The following GRHL2 variants were observed in gnomAD, a reference collection of about 807,000 sequenced individuals.
GRHL2 encodes grainyhead-like protein 2 homolog.
In GRHL2, 21 loss-of-function variants were observed where a neutral mutation model predicts 83.8. The ratio of observed to expected loss-of-function variants is 0.25; its 90% CI spans 0.18 to 0.36. The LOEUF is 0.36. GRHL2 is among the 10% of genes least tolerant of loss of function. The probability of loss-of-function intolerance (pLI) is 1.00; values close to 1 mark genes in which losing one functional copy is unlikely to be tolerated. For missense variants in GRHL2, 623 were observed against 781.8 expected, an observed-to-expected ratio of 0.80 and a Z score of 2.42; for synonymous variants, 280 against 278.9, an observed-to-expected ratio of 1.00 and a Z score of -0.04.
At chr8:101,523,229 C>T (rs1810727989) in intron 1 of GRHL2, among the ~76,000 whole-genome samples, 1 of 151,430 alleles carries the variant, frequency 6.6e-6, no homozygotes, top group South Asian at 2.1e-4. Context: ...ATTATTCTTA[C>T]AAGGAATGAA....
chr8:101,583,351 G>A (rs1320454335), intron 7 of GRHL2, among the ~76,000 whole-genome samples: 2 of 152,226 alleles, frequency 1.3e-5, no homozygotes, highest in Admixed American at 1.3e-4. Flanking sequence ...ACCCAGGAGT[G>A]AGAGACAAAC....
At chr8:101,650,289 A>G (rs1432298741) in intron 14 of GRHL2, among the ~76,000 whole-genome samples, 2 of 152,164 alleles carry the variant, frequency 1.3e-5, no homozygotes, top group African/African-American at 4.8e-5. Flanking sequence ...GAATCATACC[A>G]TTTCTTTCAT....
intron 14 of GRHL2, among the ~76,000 whole-genome samples, chr8:101,661,917 C>T (rs1180367300): frequency 6.6e-6 from 1 of 152,132 alleles, no homozygotes; most frequent in African/African-American, 2.4e-5. Context: ...CAGGAAGTTC[C>T]AGGATGTTTT....
At chr8:101,609,170 G>C (rs1458189474) in intron 8 of GRHL2, among the ~76,000 whole-genome samples, 1 of 150,426 alleles carries the variant, frequency 6.6e-6, no homozygotes, top group African/African-American at 2.5e-5. Context: ...GCTGGAGAAG[G>C]AAGGGGTGGT....
At chr8:101,560,782 G>C (rs916976712) in intron 4 of GRHL2, among the ~76,000 whole-genome samples, 5 of 151,870 alleles carry the variant, frequency 3.3e-5, no homozygotes, top group Non-Finnish European at 7.4e-5. Flanking sequence ...GTACTTATTT[G>C]GCCCTTCCTA....
At position 101,543,568 on chromosome 8, in the gene GRHL2, C is replaced by G. The variant is rs1393720052; in HGVS notation, c.216+132C>G. The G allele has an allele frequency of 3.6e-6, 3 of 833,122 alleles. No individual in the cohort carries two copies. The Admixed American group carries it at 6.0e-5, about 17-fold the overall frequency. The allele number at this position is 833,122 out of a possible 1,614,324, so 51.6% of individuals were successfully genotyped here. On this transcript the variant is annotated intron_variant, in intron 2 of 15. Coordinates refer to ENST00000646743, the MANE Select transcript of GRHL2 (RefSeq NM_024915.4). ...TTCCAAAGTCAATATAGAATTCAGCCTCTTCCTGTTCTCCTTGCTCCCTGC... is the reference window on the plus strand; with the variant it reads ...TTCCAAAGTCAATATAGAATTCAGCGTCTTCCTGTTCTCCTTGCTCCCTGC...
intron 1 of GRHL2, among the ~76,000 whole-genome samples, chr8:101,507,942 C>T (rs1410399252): frequency 4.6e-5 from 7 of 151,724 alleles, no homozygotes; most frequent in Non-Finnish European, 1.0e-4. Flanking sequence ...GCCACCATGC[C>T]CAGCTAATTT....
At chr8:101,621,959 A>G (rs1056299610) in intron 9 of GRHL2, among the ~76,000 whole-genome samples, 2 of 152,228 alleles carry the variant, frequency 1.3e-5, no homozygotes, top group Non-Finnish European at 2.9e-5. Context: ...TACTAAAAAT[A>G]CATTGCTTTA....
intron 8 of GRHL2, among the ~76,000 whole-genome samples, chr8:101,612,360 A>G (rs558830977): frequency 6.6e-5 from 10 of 150,952 alleles, no homozygotes; most frequent in Non-Finnish European, 1.5e-4. Flanking sequence ...TACCTTCTAC[A>G]ACAGTGAATA....
intron 8 of GRHL2, among the ~76,000 whole-genome samples, chr8:101,600,002 G>GT (rs1812477368): frequency 6.6e-6 from 1 of 152,208 alleles, no homozygotes; most frequent in East Asian, 1.9e-4. Context: ...TGTTAGAAGA[G>GT]TTTGTCTTCA....
intron 1 of GRHL2, among the ~76,000 whole-genome samples, chr8:101,506,327 T>A (rs558473584): frequency 1.4e-4 from 21 of 152,318 alleles, no homozygotes; most frequent in African/African-American, 5.1e-4. Flanking sequence ...GAAACAAGTA[T>A]CTAGAAGAAA....
At chr8:101,671,725 G>C (rs913063407), downstream of GRHL2, among the ~76,000 whole-genome samples, 1 of 152,178 alleles carries the variant, frequency 6.6e-6, no homozygotes, top group African/African-American at 2.4e-5. Context: ...ATCTGAGAAC[G>C]GGCAGACTGC....
chr8:101,548,665 G>A (rs188287249), intron 2 of GRHL2, among the ~76,000 whole-genome samples: 4 of 152,312 alleles, frequency 2.6e-5, no homozygotes, highest in Admixed American at 2.6e-4. Flanking sequence ...GGGACATCTA[G>A]GACTCAAGGG....
chr8:101,639,942 C>T (rs1484155474), intron 12 of GRHL2, among the ~76,000 whole-genome samples: 3 of 152,206 alleles, frequency 2.0e-5, no homozygotes. Context: ...ATCACTCACA[C>T]AATGACCAGA....
chr8:101,640,834 A>T (rs1813386070), intron 12 of GRHL2, among the ~76,000 whole-genome samples: 2 of 152,130 alleles, frequency 1.3e-5, no homozygotes, highest in African/African-American at 2.4e-5. Context: ...GCTGCTTGGG[A>T]TGCTCAGACC....
the GRHL2 span, among the ~76,000 whole-genome samples, chr8:101,677,499 C>A: frequency 7.4e-6 from 1 of 135,968 alleles, no homozygotes; most frequent in Admixed American, 7.9e-5. Flanking sequence ...GAACAGGAAC[C>A]AAATAAAGTG....
intron 9 of GRHL2, among the ~76,000 whole-genome samples, chr8:101,630,129 C>G (rs1475650652): frequency 1.3e-5 from 2 of 152,106 alleles, no homozygotes; most frequent in Admixed American, 6.6e-5. Context: ...AATTCCCTGG[C>G]ACAGAGTTAG....
At position 101,550,190 on chromosome 8, in the gene GRHL2, T is replaced by TA. The variant is rs1491102985; in HGVS notation, c.217-2518dup. Among the ~76,000 whole-genome samples, 97 of 150,012 alleles carry TA rather than the reference T, an allele frequency of 6.5e-4. No individual in the cohort carries two copies. The South Asian group carries it at 7.6e-3, about 12-fold the overall frequency. On this transcript the variant is annotated intron_variant, in intron 2 of 15. Coordinates refer to ENST00000646743, the MANE Select transcript of GRHL2 (RefSeq NM_024915.4). ...TACATATGCAGGTCTTTTTTTTTTTTAAAAAAATTATCATTTCAACTTTTG... is the reference window on the plus strand; with the variant it reads ...TACATATGCAGGTCTTTTTTTTTTTTAAAAAAAATTATCATTTCAACTTTTG...
chr8:101,580,130 C>G (rs1009575186), intron 7 of GRHL2, among the ~76,000 whole-genome samples: 1 of 152,040 alleles, frequency 6.6e-6, no homozygotes, highest in East Asian at 1.9e-4. Context: ...AGTTAGAGAC[C>G]GAGATGAGGG....
Sources: allele counts gnomAD v4.1 joint callset (sites outside exome capture counted in the v4.1 genomes callset), GRCh38; gene constraint gnomAD v4.1.1; transcripts MANE v1.5; gene names NCBI Gene and HGNC (gene_info 2026-07-23, HGNC 2026-07-21).